PKN2: variants seen among roughly 807,000 people sequenced by gnomAD.
The protein encoded by PKN2 is serine/threonine-protein kinase N2.
Under a neutral mutation model 119.1 loss-of-function variants are expected in PKN2, and 38 were observed. The observed-to-expected ratio is 0.32, with a 90% confidence interval of 0.25 to 0.42. The LOEUF (loss-of-function observed/expected upper bound fraction) is 0.42, where lower values mean the gene tolerates loss of function less well. Among genes scored for constraint, PKN2 ranks in the 10% least tolerant of loss-of-function variants. PKN2 has a pLI of 1.00. For synonymous variants in PKN2, 390 were observed against 384.9 expected (o/e 1.01, Z -0.15); for missense variants, 850 against 1,165.1 (o/e 0.73, Z 3.94).
intron 8 of PKN2, among the ~76,000 whole-genome samples, chr1:88,803,677 C>T (rs764272957): frequency 2.6e-5 from 4 of 152,182 alleles, no homozygotes; most frequent in Non-Finnish European, 5.9e-5. Context: ...TGTATTCTCT[C>T]ATACGGCTTT....
chr1:88,816,445 C>T (rs913476043), intron 16 of PKN2, among the ~76,000 whole-genome samples: 8 of 150,292 alleles, frequency 5.3e-5, no homozygotes, highest in African/African-American at 2.0e-4. Flanking sequence ...CGGGGTTTCA[C>T]TCTATTGGCC....
intron 15 of PKN2, among the ~76,000 whole-genome samples, chr1:88,808,050 G>C (rs1266854132): frequency 1.3e-5 from 2 of 152,004 alleles, no homozygotes; most frequent in Non-Finnish European, 2.9e-5. Context: ...AAATATTAAA[G>C]TGTTTATATG....
chr1:88,763,677 T>C (rs1440824716), intron 3 of PKN2, among the ~76,000 whole-genome samples: 1 of 152,152 alleles, frequency 6.6e-6, no homozygotes, highest in Non-Finnish European at 1.5e-5. Context: ...GAAGGTCATT[T>C]ATGCAAGCAG....
At chr1:88,743,762 G>A (rs1278333896) in intron 2 of PKN2, among the ~76,000 whole-genome samples, 1 of 152,048 alleles carries the variant, frequency 6.6e-6, no homozygotes, top group Non-Finnish European at 1.5e-5. Flanking sequence ...TCTTATATTA[G>A]TCTTTAGAAT....
chr1:88,803,779 CT>C (rs1310395679), intron 8 of PKN2, among the ~76,000 whole-genome samples: 8 of 152,086 alleles, frequency 5.3e-5, no homozygotes, highest in African/African-American at 1.9e-4. Flanking sequence ...AAATGAATAT[CT>C]TTCTGTATAA....
At chr1:88,814,510 T>C (rs981898046) in intron 16 of PKN2, among the ~76,000 whole-genome samples, 2 of 152,148 alleles carry the variant, frequency 1.3e-5, no homozygotes, top group African/African-American at 4.8e-5. Flanking sequence ...TTACCTAAAC[T>C]TCCAACTCTA....
At chr1:88,716,874 A>C (rs920210688) in intron 1 of PKN2, among the ~76,000 whole-genome samples, 6 of 152,174 alleles carry the variant, frequency 3.9e-5, no homozygotes, top group African/African-American at 4.8e-5. Context: ...TAGTTGATGC[A>C]GTTTCTTCCT....
chr1:88,771,511 A>C lies in PKN2; in HGVS notation c.713A>C (p.Asn238Thr). Residue 238 changes from asparagine (N) to threonine (T), a missense_variant, in exon 5 of 22, where the codon AAT becomes ACT. Physicochemically the swap from Asn to Thr is moderately conservative, Grantham distance 65. This residue lies in a region of PKN2 where 350 missense variants were observed against 511.1 expected (regional missense o/e 0.68). Coordinates refer to ENST00000370521, the MANE Select transcript of PKN2 (RefSeq NM_006256.4). The part of the protein sequence containing the change: ...IEFAVAEGAK[N>T]VMKLLGSGKV... ...TTTGCAGTAGCAGAAGGTGCAAAGA[A>C]TGTAATGAAATTACTTGGCTCAGGA... 1 of 1,607,732 alleles carries C rather than the reference A, an allele frequency of 6.2e-7. No individual in the cohort carries two copies. Among genetic ancestry groups the C allele is most frequent in the Non-Finnish European group, 8.5e-7 (1 of 1,177,422 alleles).
At chr1:88,695,013 G>A (rs1666481079) in intron 1 of PKN2, among the ~76,000 whole-genome samples, 1 of 152,064 alleles carries the variant, frequency 6.6e-6, no homozygotes, top group Non-Finnish European at 1.5e-5. Context: ...TGTAGTCCCA[G>A]CTATTCTGGA....
At chr1:88,807,231 T>C (rs536339270) in intron 12 of PKN2, 82 bp from the exon 13 acceptor site, 5 of 956,052 alleles carry the variant, frequency 5.2e-6, no homozygotes, top group Non-Finnish European at 7.6e-6. Flanking sequence ...ACTTTTGAAA[T>C]GTTTTTCCTT....
chr1:88,729,714 A>G (rs771927334), intron 1 of PKN2, among the ~76,000 whole-genome samples: 22 of 152,152 alleles, frequency 1.4e-4, no homozygotes, highest in Admixed American at 2.0e-4. Flanking sequence ...TCAGAAGACT[A>G]CCCTCAGAGT....
At chr1:88,812,339 C>A (rs192288293) in intron 15 of PKN2, among the ~76,000 whole-genome samples, 3 of 152,228 alleles carry the variant, frequency 2.0e-5, no homozygotes, top group African/African-American at 7.2e-5. Context: ...ATGTTTTATA[C>A]CACTTATATG....
At position 88,784,269 on chromosome 1, in the gene PKN2, G is replaced by T. The variant is rs572700487; in HGVS notation, c.986-370G>T. ...CTCCCGGATAGCTGGGACTACAGGC[G>T]CACACCGCCTCGCCCAGCTAATTTT... On this transcript the variant is annotated intron_variant, in intron 6 of 21. Transcript: ENST00000370521. Among the ~76,000 whole-genome samples the T allele has an allele frequency of 2.7e-5, 4 of 150,928 alleles. No homozygotes were observed. The South Asian group carries it at 8.4e-4, about 32-fold the overall frequency.
At chr1:88,783,659 T>A (rs1670447488) in intron 6 of PKN2, among the ~76,000 whole-genome samples, 1 of 152,238 alleles carries the variant, frequency 6.6e-6, no homozygotes, top group South Asian at 2.1e-4. Flanking sequence ...GTACAGTATC[T>A]AAAATGTTAA....
At chr1:88,720,069 G>A (rs1263914383) in intron 1 of PKN2, among the ~76,000 whole-genome samples, 2 of 152,076 alleles carry the variant, frequency 1.3e-5, no homozygotes, top group Non-Finnish European at 2.9e-5. Flanking sequence ...GTCTCACTCT[G>A]TTGCTCAGGG....
At chr1:88,738,197 A>T (rs1668431476) in intron 1 of PKN2, among the ~76,000 whole-genome samples, 1 of 152,090 alleles carries the variant, frequency 6.6e-6, no homozygotes, top group East Asian at 1.9e-4. Context: ...AAACCAAACT[A>T]ATCTGCCAAG....
chr1:88,753,439 A>G (rs749171027), intron 2 of PKN2, among the ~76,000 whole-genome samples: 2 of 152,160 alleles, frequency 1.3e-5, no homozygotes, highest in East Asian at 1.9e-4. Context: ...TCATTGTTGA[A>G]AGATATTTTC....
At chr1:88,797,999 G>A (rs1421908101) in intron 8 of PKN2, among the ~76,000 whole-genome samples, 1 of 151,940 alleles carries the variant, frequency 6.6e-6, no homozygotes, top group Non-Finnish European at 1.5e-5. Flanking sequence ...TAAAATTAGT[G>A]AAATTTTAAG....
intron 8 of PKN2, among the ~76,000 whole-genome samples, chr1:88,787,385 TGAAAA>T (rs1181109726): frequency 1.3e-5 from 2 of 152,170 alleles, no homozygotes; most frequent in Non-Finnish European, 2.9e-5. Flanking sequence ...AGTTTTATAT[TGAAAA>T]GAGAAATTAC....
Sources: gnomAD v4.1 joint callset for allele counts (sites outside exome capture counted in the v4.1 genomes callset) on GRCh38, gnomAD v4.1.1 for gene constraint, gnomAD v4.1.1 regional missense constraint, MANE v1.5 for transcripts, NCBI Gene and HGNC (gene_info 2026-07-23, HGNC 2026-07-21) for gene names.